TTC31: variants seen among roughly 807,000 people sequenced by gnomAD.
TTC31 encodes the protein tetratricopeptide repeat domain 31.
TTC31 carries 59 observed loss-of-function variants against 60.4 expected under a neutral mutation model. The observed-to-expected ratio is 0.98, with a 90% confidence interval of 0.79 to 1.21. The LOEUF (loss-of-function observed/expected upper bound fraction) is 1.21. TTC31 is among the 50% of genes most tolerant of loss of function. The pLI, the probability that TTC31 is intolerant of heterozygous loss-of-function variation, is 0.00. For synonymous variants in TTC31, 225 were observed against 249.6 expected (o/e 0.90, Z 0.93); for missense variants, 672 against 646.9 (o/e 1.04, Z -0.42).
rs1673859157 is a variant in TTC31, at chr2:74,491,336, C to T, written c.645C>T (p.Ser215=). The T allele has an allele frequency of 6.2e-7, 1 of 1,614,198 alleles. No individual in the cohort carries two copies. Among genetic ancestry groups the T allele is most frequent in the Non-Finnish European group, 8.5e-7 (1 of 1,180,042 alleles). ...ATGGAGATGAGAGCCCCCCATCCAG[C>T]CCTGGAAACCCAGTTCAGGGACAGT... ...TSDGDESPPS[S]PGNPVQGQCG... is the part of the protein sequence containing the mutation. The change falls in exon 7 of 13, where the codon AGC becomes AGT. Residue 215 remains serine (S), a synonymous_variant. Coordinates refer to ENST00000233623, the MANE Select transcript of TTC31 (RefSeq NM_022492.6).
chr2:74,489,898 TGA>T (rs1441423829), intron 2 of TTC31, 125 bp from the exon 3 acceptor site: 4 of 691,602 alleles, frequency 5.8e-6, no homozygotes, highest in African/African-American at 5.3e-5. Context: ...TCAGAGCCAG[TGA>T]GAGTCTCTGG....
chr2:74,492,502 G>A, intron 11 of TTC31, 57 bp downstream of exon 11: 1 of 1,531,362 alleles, frequency 6.5e-7, no homozygotes, highest in South Asian at 1.3e-5. Context: ...GTGGGGAGAG[G>A]GTCTATGTTG....
In TTC31 at chr2:74,483,559, C is replaced by G. The variant is rs1017617829; in HGVS notation, c.129+149C>G. Reference sequence around the variant, plus strand: ...AGTCTCCGGCCATGCCCTTGAGGATCTTAGGCAAGTGAGGGGCAGGGGATC... The same window carrying G: ...AGTCTCCGGCCATGCCCTTGAGGATGTTAGGCAAGTGAGGGGCAGGGGATC... On this transcript the variant is annotated intron_variant, in intron 2 of 12. Coordinates refer to ENST00000233623, the MANE Select transcript of TTC31 (RefSeq NM_022492.6). 2.0e-6 allele frequency: 3 copies of G among 1,511,900 alleles called. No homozygotes were observed. The African/African-American group carries it at 4.2e-5, about 21-fold the overall frequency. The allele number at this position is 1,511,900 out of a possible 1,614,324, so 93.7% of individuals were successfully genotyped here. A position where few individuals can be genotyped will look rare whatever the true frequency, so the allele number is the denominator to read the frequency against.
Position 74,493,011 on chromosome 2 carries a change from A to C in TTC31, c.1353A>C (p.Leu451=). 6.2e-7 allele frequency: 1 copy of C among 1,613,994 alleles called. No homozygotes were observed. Among genetic ancestry groups the C allele is most frequent in the Non-Finnish European group, 8.5e-7 (1 of 1,179,950 alleles). ...ATGCTGAGCTGGCACCCTCAGGCCT[A>C]CCTTCCCTCAGGTGCCCTCGAAGCA... ...LPHAELAPSG[L]PSLRCPRSTA... Residue 451 remains leucine (L), a synonymous_variant, in exon 13 of 13, where the codon CTA becomes CTC. Coordinates refer to ENST00000233623, the MANE Select transcript of TTC31 (RefSeq NM_022492.6).
chr2:74,486,498 A>G (rs1673121584), intron 2 of TTC31, among the ~76,000 whole-genome samples: 2 of 152,200 alleles, frequency 1.3e-5, no homozygotes, highest in South Asian at 4.1e-4. Context: ...CCAGTGACCA[A>G]ATAAATAAAC....
rs1394576646 is a variant in TTC31 at position 74,491,354 on chromosome 2, G to A, written c.663G>A (p.Gln221=). 6.2e-7 allele frequency: 1 copy of A among 1,614,198 alleles called. No individual in the cohort carries two copies. The highest frequency in any genetic ancestry group is 1.1e-5 in the South Asian group (1 of 91,080). ...CATCCAGCCCTGGAAACCCAGTTCA[G>A]GGACAGTGTGGTGAAGAAGAGGTGA... is the stretch of plus-strand genomic sequence containing the variant. ...SPPSSPGNPV[Q]GQCGEEEDSL... The change falls in exon 7 of 13, where the codon CAG becomes CAA. Residue 221 remains glutamine (Q), a synonymous_variant. Coordinates refer to ENST00000233623, the MANE Select transcript of TTC31 (RefSeq NM_022492.6).
Position 74,492,381 on chromosome 2 carries a change from T to C in TTC31, c.1097T>C (p.Leu366Pro). The part of the protein sequence containing the change: ...AWALADAQVA[L>P]TLRPGWPRGL... ...GCCCTGGCTGATGCCCAGGTGGCCC[T>C]TACCCTACGGCCTGGCTGGCCCCGG... The change falls in exon 11 of 13, where the codon CTT (leucine) becomes CCT (proline). Residue 366 changes from leucine (L) to proline (P), a missense_variant. Physicochemically the swap from Leu to Pro is moderately conservative, Grantham distance 98 (BLOSUM62 -3). Coordinates refer to ENST00000233623, the MANE Select transcript of TTC31 (RefSeq NM_022492.6). 2 of 1,539,642 alleles carry C rather than the reference T, an allele frequency of 1.3e-6. No individual in the cohort carries two copies. Among genetic ancestry groups the C allele is most frequent in the Non-Finnish European group, 1.7e-6 (2 of 1,143,226 alleles).
At chr2:74,483,297 G>A in intron 1 of TTC31, 25 bp from the exon 2 acceptor site, 2 of 1,613,702 alleles carry the variant, frequency 1.2e-6, no homozygotes, top group Non-Finnish European at 1.7e-6. Flanking sequence ...GCCCGCTGAC[G>A]AGGCTCCGCC....
rs556220095 is a variant in TTC31, at chr2:74,489,996, G to GCCTCC, written c.130-7_130-3dup. ...TCTCCAGGAACTGCCCCCAACACCA[G>GCCTCC]CCTCCCCTCCCCTCCCCTCCCCTCC... is the stretch of plus-strand genomic sequence containing the variant. On this transcript the variant is annotated intron_variant, in intron 2 of 12. Transcript: ENST00000233623. 3,533 of 1,458,554 alleles carry GCCTCC rather than the reference G, an allele frequency of 2.4e-3. 9 individuals are homozygous for GCCTCC. Among genetic ancestry groups the GCCTCC allele is most frequent in the African/African-American group, 7.2e-3 (512 of 71,044 alleles). The allele number at this position is 1,458,554 out of a possible 1,614,324, so 90.4% of individuals were successfully genotyped here. A position where few individuals can be genotyped will look rare whatever the true frequency, so the allele number is the denominator to read the frequency against.
Position 74,491,085 on chromosome 2 carries a change from A to G in TTC31, c.547-43A>G, listed in dbSNP as rs749883075. On this transcript the variant is annotated intron_variant, in intron 5 of 12. Transcript: ENST00000233623. ...AATCTTAGCCCAGCACACGACATAC[A>G]GTAAGTGTTCAAAATACATCATTGT... 6 of 1,612,218 alleles carry G rather than the reference A, an allele frequency of 3.7e-6. No individual in the cohort carries two copies. The Admixed American group carries it at 6.7e-5, about 18-fold the overall frequency.
intron 2 of TTC31, among the ~76,000 whole-genome samples, chr2:74,487,115 C>G (rs1189671539): frequency 6.6e-6 from 1 of 152,220 alleles, no homozygotes; most frequent in African/African-American, 2.4e-5. Flanking sequence ...AGAAGATTCA[C>G]AATGATATTG....
chr2:74,485,024 C>CTTTT (rs544658393), intron 2 of TTC31, among the ~76,000 whole-genome samples: 7 of 122,938 alleles, frequency 5.7e-5, no homozygotes, highest in African/African-American at 9.1e-5. Context: ...CTAAAATTTA[C>CTTTT]TTTTTTTTTT....
chr2:74,487,250 G>A (rs555367261), intron 2 of TTC31, among the ~76,000 whole-genome samples: 2 of 152,252 alleles, frequency 1.3e-5, no homozygotes, highest in Admixed American at 6.5e-5. Flanking sequence ...ACGTAGTCTC[G>A]CTCTGTTGCC....
chr2:74,491,848 G>C, intron 8 of TTC31, 156 bp from the exon 9 acceptor site: 1 of 1,439,178 alleles, frequency 6.9e-7, no homozygotes, highest in Non-Finnish European at 9.5e-7. Flanking sequence ...GTGGTTTCCT[G>C]TCTAGGAAGA....
chr2:74,486,558 A>T (rs1673129482), intron 2 of TTC31, among the ~76,000 whole-genome samples: 1 of 152,164 alleles, frequency 6.6e-6, no homozygotes, highest in Non-Finnish European at 1.5e-5. Context: ...AAGAAGGAGG[A>T]TAGGGAGTGC....
chr2:74,484,703 C>T (rs1385026489), intron 2 of TTC31, among the ~76,000 whole-genome samples: 4 of 152,098 alleles, frequency 2.6e-5, no homozygotes, highest in Admixed American at 2.6e-4. Flanking sequence ...GTGATCCGCC[C>T]GCCTTGGCCT....
intron 2 of TTC31, among the ~76,000 whole-genome samples, chr2:74,488,325 C>A (rs1027595063): frequency 1.3e-5 from 2 of 152,170 alleles, no homozygotes; most frequent in African/African-American, 2.4e-5. Flanking sequence ...CATCTGAAGT[C>A]CTGCCTACAG....
In TTC31 at chr2:74,489,974, C is replaced by A. The variant is rs756324120; in HGVS notation, c.130-51C>A. Reference sequence around the variant, plus strand: ...CAAGCCAGCGAAGCCCTTGCTCTCTCCAGGAACTGCCCCCAACACCAGCCT... The same window carrying A: ...CAAGCCAGCGAAGCCCTTGCTCTCTACAGGAACTGCCCCCAACACCAGCCT... On this transcript the variant is annotated intron_variant, in intron 2 of 12. Transcript: ENST00000233623. 33 of 1,368,586 alleles carry A rather than the reference C, an allele frequency of 2.4e-5. 1 individual carries two copies. The South Asian group carries it at 4.0e-4, about 17-fold the overall frequency. The allele number at this position is 1,368,586 out of a possible 1,614,324, so 84.8% of individuals were successfully genotyped here.
chr2:74,492,285 C>T lies in TTC31; in HGVS notation c.1020-19C>T. 1 of 1,607,312 alleles carries T rather than the reference C, an allele frequency of 6.2e-7. No individual in the cohort carries two copies. Among genetic ancestry groups the T allele is most frequent in the Non-Finnish European group, 8.5e-7 (1 of 1,175,748 alleles). On this transcript the variant is annotated intron_variant, in intron 10 of 12. Transcript: ENST00000233623. ...AGTGTTGAGGACTCAGACCTTTGGC[C>T]ACCTTCTGTCTTTATCAGGTTATTT... is the stretch of plus-strand genomic sequence containing the variant.
Sources: gnomAD v4.1 joint callset for allele counts (sites outside exome capture counted in the v4.1 genomes callset) on GRCh38, gnomAD v4.1.1 for gene constraint, MANE v1.5 for transcripts, NCBI Gene and HGNC (gene_info 2026-07-23, HGNC 2026-07-21) for gene names.